TES: variants seen among roughly 807,000 people sequenced by gnomAD.
The protein encoded by TES is testin LIM domain protein, also known as testin.
A neutral mutation model predicts 48.2 loss-of-function variants in TES; 41 were observed. That is an observed-to-expected ratio of 0.85 (90% CI 0.66 to 1.10). The LOEUF (loss-of-function observed/expected upper bound fraction) is 1.10. TES is among the 50% of genes least tolerant of loss of function. The pLI is 0.00. For missense variants in TES, 463 were observed against 515.1 expected (o/e 0.90, Z 0.98); for synonymous variants, 162 against 174.9 (o/e 0.93, Z 0.58).
At chr7:116,211,328 T>C (rs1191033568) in intron 1 of TES, 1 of 152,228 alleles carries the variant, frequency 6.6e-6, no homozygotes, top group Non-Finnish European at 1.5e-5. Flanking sequence ...AGGCAGTGCC[T>C]CCCTCTTAGG....
At chr7:116,216,576 C>T (rs1055945331) in intron 1 of TES, among the ~76,000 whole-genome samples, 6 of 151,674 alleles carry the variant, frequency 4.0e-5, no homozygotes, top group African/African-American at 1.5e-4. Flanking sequence ...GCTTTAAAAT[C>T]ACACAAATGA....
chr7:116,255,975 T>C (rs896602135), intron 6 of TES, among the ~76,000 whole-genome samples: 3 of 152,134 alleles, frequency 2.0e-5, no homozygotes, highest in African/African-American at 4.8e-5. Context: ...TATAAAAATA[T>C]ATACAAAAAG....
intron 1 of TES, among the ~76,000 whole-genome samples, chr7:116,231,147 TG>T (rs1360556979): frequency 1.3e-5 from 2 of 152,164 alleles, no homozygotes; most frequent in African/African-American, 2.4e-5. Context: ...GGTTTGCTAT[TG>T]AGTAGCTGTG....
intron 1 of TES, among the ~76,000 whole-genome samples, chr7:116,231,872 G>T (rs886255516): frequency 1.3e-5 from 2 of 151,872 alleles, no homozygotes; most frequent in Non-Finnish European, 2.9e-5. Flanking sequence ...GCCTGAACTA[G>T]TTTTTCAGGC....
chr7:116,240,370 C>T (rs970981112), intron 2 of TES, among the ~76,000 whole-genome samples: 1 of 151,944 alleles, frequency 6.6e-6, no homozygotes, highest in African/African-American at 2.4e-5. Context: ...TTTTTTTCAG[C>T]TTGAAAATGT....
intron 1 of TES, among the ~76,000 whole-genome samples, chr7:116,220,302 G>T (rs528356056): frequency 2.6e-5 from 4 of 152,152 alleles, no homozygotes; most frequent in Admixed American, 2.0e-4. Flanking sequence ...CAGTAGTGAT[G>T]TTATTCATTG....
intron 1 of TES, among the ~76,000 whole-genome samples, chr7:116,229,824 C>T (rs1799674819): frequency 1.3e-5 from 2 of 152,144 alleles, no homozygotes; most frequent in Admixed American, 1.3e-4. Flanking sequence ...CTAGGCACAT[C>T]CTAAACAAGG....
rs754498785 is a variant in TES, at chr7:116,252,374, C to A, written c.975C>A (p.His325Gln). ...AAAACCAGAATTGGCACCTGAAACA[C>A]TTCTGCTGCTTTGACTGTGATAGCA... is the stretch of plus-strand genomic sequence containing the variant. ...QAENQNWHLK[H>Q]FCCFDCDSIL... Residue 325 changes from histidine (H) to glutamine (Q), a missense_variant, in exon 6 of 7, where the codon CAC becomes CAA. Transcript: ENST00000358204. 1 of 1,614,162 alleles carries A rather than the reference C, an allele frequency of 6.2e-7. No homozygotes were observed. Among genetic ancestry groups the A allele is most frequent in the Non-Finnish European group, 8.5e-7 (1 of 1,179,994 alleles).
Position 116,250,086 on chromosome 7 carries a change from C to T in TES, c.367-75C>T, listed in dbSNP as rs139851581. On this transcript the variant is annotated intron_variant, in intron 3 of 6. Coordinates refer to ENST00000358204, the MANE Select transcript of TES (RefSeq NM_015641.4). ...ACCCACTTCTTTCTTAAGTAACTTG[C>T]TTCTGATGTGTGTTATGAAACATCA... The T allele has an allele frequency of 6.8e-4, 880 of 1,285,436 alleles. 5 individuals are homozygous for T. The African/African-American group carries it at 0.012, about 18-fold the overall frequency. The allele number at this position is 1,285,436 out of a possible 1,614,324, so 79.6% of individuals were successfully genotyped here. A position where few individuals can be genotyped will look rare whatever the true frequency, so the allele number is the denominator to read the frequency against.
At chr7:116,252,082 C>T (rs971886855) in intron 5 of TES, 107 bp downstream of exon 5, 11 of 1,197,928 alleles carry the variant, frequency 9.2e-6, no homozygotes, top group African/African-American at 1.5e-5. Flanking sequence ...GCTCTGTTTA[C>T]ATCCAAAGAA....
rs201508842 is a variant in TES at position 116,212,035 on chromosome 7, CTG to C, written c.27+1303_27+1304del. On this transcript the variant is annotated intron_variant, in intron 1 of 6. Coordinates refer to ENST00000358204, the MANE Select transcript of TES (RefSeq NM_015641.4). The stretch of plus-strand genomic sequence containing the variant: ...TTCTTTCTTTTTTTCTTTTAAATAA[CTG>C]TAATATTTTTGGTTAATCTTGCTTG... Among the ~76,000 whole-genome samples, 1,322 of 152,132 alleles carry C rather than the reference CTG, an allele frequency of 8.7e-3. 11 individuals are homozygous for C. The highest frequency in any genetic ancestry group is 0.013 in the Non-Finnish European group (886 of 67,990).
chr7:116,236,559 C>T (rs1226881002), intron 2 of TES, among the ~76,000 whole-genome samples: 1 of 152,120 alleles, frequency 6.6e-6, no homozygotes, highest in East Asian at 1.9e-4. Flanking sequence ...TGATACACTT[C>T]TGTTTTATTT....
rs1398704081 is a variant in TES, at chr7:116,257,906, T to A, written c.*424T>A. 6.4e-6 allele frequency: 1 copy of A among 157,244 alleles called. No individual in the cohort carries two copies. Among genetic ancestry groups the A allele is most frequent in the African/African-American group, 2.4e-5 (1 of 41,488 alleles). 9.7% of individuals were successfully genotyped at this position (157,244 alleles called of 1,614,324 possible). A position where few individuals can be genotyped will look rare whatever the true frequency, so the allele number is the denominator to read the frequency against. ...TAAATTTGCCCTAATACCAAGGCGCTACGTTTATTGCCTCGTCTTATTCAC... is the reference window on the plus strand; with the variant it reads ...TAAATTTGCCCTAATACCAAGGCGCAACGTTTATTGCCTCGTCTTATTCAC... On this transcript the variant is annotated 3_prime_UTR_variant, in exon 7 of 7. Coordinates refer to ENST00000358204, the MANE Select transcript of TES (RefSeq NM_015641.4).
intron 6 of TES, among the ~76,000 whole-genome samples, chr7:116,253,815 C>T (rs1323086307): frequency 1.3e-5 from 2 of 151,990 alleles, no homozygotes; most frequent in Non-Finnish European, 2.9e-5. Flanking sequence ...CCACCATTTC[C>T]TCCAGACTCT....
chr7:116,254,745 A>G (rs1300305359), intron 6 of TES, among the ~76,000 whole-genome samples: 1 of 92,704 alleles, frequency 1.1e-5, no homozygotes, highest in African/African-American at 4.8e-5. Context: ...CGTCTCAAAA[A>G]AAATATATAT....
intron 2 of TES, among the ~76,000 whole-genome samples, chr7:116,240,031 A>G (rs1219964877): frequency 3.9e-5 from 6 of 152,220 alleles, no homozygotes; most frequent in African/African-American, 7.2e-5. Flanking sequence ...CTTGATTATA[A>G]CATACATCTG....
chr7:116,250,232 G>T lies in TES; in HGVS notation c.438G>T (p.Arg146=). 3 of 1,607,272 alleles carry T rather than the reference G, an allele frequency of 1.9e-6. No individual in the cohort carries two copies. The highest frequency in any genetic ancestry group is 2.5e-6 in the Non-Finnish European group (3 of 1,177,000). ...PVAGSEGAQY[R]KKQLAKQLPA... The stretch of plus-strand genomic sequence containing the variant: ...CAGGCTCAGAGGGGGCACAGTACCG[G>T]AAGAAGCAGCTGGCAAAGCAGCTCC... Residue 146 remains arginine (R), a synonymous_variant, in exon 4 of 7, where the codon CGG becomes CGT. Transcript: ENST00000358204.
intron 2 of TES, chr7:116,243,764 G>A (rs962402442): frequency 2.6e-5 from 4 of 152,154 alleles, no homozygotes; most frequent in African/African-American, 9.7e-5. Context: ...GAGACTGAGT[G>A]TATTAGTCTG....
At chr7:116,241,085 G>A (rs911221848) in intron 2 of TES, among the ~76,000 whole-genome samples, 3 of 152,138 alleles carry the variant, frequency 2.0e-5, no homozygotes, top group Admixed American at 6.5e-5. Flanking sequence ...TGTGATAAAC[G>A]TCCCACTTAT....
Sources: gnomAD v4.1 joint callset for allele counts (sites outside exome capture counted in the v4.1 genomes callset) on GRCh38, gnomAD v4.1.1 for gene constraint, MANE v1.5 for transcripts, NCBI Gene and HGNC (gene_info 2026-07-23, HGNC 2026-07-21) for gene names.